IL1RAPL1: variants seen among roughly 807,000 people sequenced by gnomAD.
The protein encoded by IL1RAPL1 is interleukin-1 receptor accessory protein-like 1.
Under a neutral mutation model 48.4 loss-of-function variants are expected in IL1RAPL1, and 3 were observed. That is an observed-to-expected ratio of 0.06 (90% CI 0.03 to 0.16). The LOEUF (loss-of-function observed/expected upper bound fraction) is 0.16, where lower values mean the gene tolerates loss of function less well. IL1RAPL1 is among the 10% of genes least tolerant of loss of function. The pLI, the probability that IL1RAPL1 is intolerant of heterozygous loss-of-function variation, is 1.00. For synonymous variants in IL1RAPL1, 185 were observed against 187.7 expected, an observed-to-expected ratio of 0.99 and a Z score of 0.12; for missense variants, 349 against 530.6, an observed-to-expected ratio of 0.66 and a Z score of 3.36.
chrX:28,793,361 TC>T (rs1936575500), intron 2 of IL1RAPL1, among the ~76,000 whole-genome samples: 1 of 109,331 alleles, frequency 9.1e-6, no homozygotes, highest in Non-Finnish European at 1.9e-5. Context: ...CTCCCTTCTT[TC>T]CCTTTTTGTT....
intron 6 of IL1RAPL1, among the ~76,000 whole-genome samples, chrX:29,883,462 T>C (rs1055094938): frequency 9.1e-6 from 1 of 109,345 alleles, no homozygotes; most frequent in Non-Finnish European, 1.9e-5. Context: ...GAGAGAGAAG[T>C]ACATTAGACC....
At chrX:28,876,271 G>A (rs1448899281) in intron 2 of IL1RAPL1, among the ~76,000 whole-genome samples, 1 of 111,829 alleles carries the variant, frequency 8.9e-6, no homozygotes, top group Admixed American at 9.5e-5. Context: ...GCAGGAGGAA[G>A]GGGAGTGCTA....
intron 2 of IL1RAPL1, among the ~76,000 whole-genome samples, chrX:28,932,091 TGCATATATGA>T (rs1923899023): frequency 9.0e-6 from 1 of 110,769 alleles, no homozygotes; most frequent in Non-Finnish European, 1.9e-5. Flanking sequence ...AAGTTAGGTT[TGCATATATGA>T]GCATATGCAT....
chrX:29,034,013 A>C (rs1235434976), intron 2 of IL1RAPL1, among the ~76,000 whole-genome samples: 1 of 111,817 alleles, frequency 8.9e-6, no homozygotes, highest in Non-Finnish European at 1.9e-5. Context: ...ATTTATTCCA[A>C]ATAAATCAAA....
At chrX:29,950,670 C>CTTT (rs749918523) in intron 9 of IL1RAPL1, among the ~76,000 whole-genome samples, 9 of 96,595 alleles carry the variant, frequency 9.3e-5, no homozygotes, top group African/African-American at 7.7e-5. Flanking sequence ...ATCCTAAGGC[C>CTTT]TTTTTTTTTT....
intron 5 of IL1RAPL1, among the ~76,000 whole-genome samples, chrX:29,530,172 C>A (rs1206302518): frequency 9.0e-6 from 1 of 111,459 alleles, no homozygotes; most frequent in Non-Finnish European, 1.9e-5. Flanking sequence ...TGTTTAAAGT[C>A]TAAAATAATT....
intron 10 of IL1RAPL1, 149 bp downstream of exon 10, chrX:29,954,841 A>G: frequency 3.6e-6 from 2 of 548,457 alleles, no homozygotes. Context: ...GTGTGTTCAC[A>G]TGAAATTTAA....
chrX:29,254,307 T>C (rs1931717181), intron 2 of IL1RAPL1, among the ~76,000 whole-genome samples: 1 of 111,918 alleles, frequency 8.9e-6, no homozygotes, highest in Admixed American at 9.5e-5. Context: ...AATATTTTCT[T>C]GCTACAATTT....
chrX:28,669,299 G>A (rs1039139786), intron 1 of IL1RAPL1, among the ~76,000 whole-genome samples: 7 of 110,776 alleles, frequency 6.3e-5, no homozygotes, highest in Admixed American at 5.8e-4. Flanking sequence ...AATGGGGATG[G>A]TTCAGGTAGA....
rs190779460 is a variant in IL1RAPL1, at chrX:28,770,989, G to A, written c.-24-18331G>A. 7.1e-5 allele frequency among the ~76,000 whole-genome samples: 8 copies of A among 112,044 alleles called. No homozygotes were observed. In the East Asian group the frequency reaches 1.7e-3, roughly 24 times the overall value. ...TGCATGATAGGTATAGAGAAAATAA[G>A]GGTAGTATTTTACATCACAGAGTAT... On this transcript the variant is annotated intron_variant, in intron 1 of 10. Coordinates refer to ENST00000378993, the MANE Select transcript of IL1RAPL1 (RefSeq NM_014271.4).
In IL1RAPL1 at chrX:29,090,929, G is replaced by A. The variant is rs775998315; in HGVS notation, c.83-192009G>A. On this transcript the variant is annotated intron_variant, in intron 2 of 10. Transcript: ENST00000378993. Reference sequence around the variant, plus strand: ...TTCAAACGATTTATATAAAGATGTTGGAGAAATTCACAAAGACCTGGATAA... The same window carrying A: ...TTCAAACGATTTATATAAAGATGTTAGAGAAATTCACAAAGACCTGGATAA... Among the ~76,000 whole-genome samples the A allele has an allele frequency of 4.2e-4, 47 of 111,711 alleles. No individual in the cohort carries two copies. The Middle Eastern group carries it at 0.014, about 33-fold the overall frequency.
intron 1 of IL1RAPL1, among the ~76,000 whole-genome samples, chrX:28,724,076 A>G (rs184517995): frequency 9.0e-6 from 1 of 111,360 alleles, no homozygotes; most frequent in South Asian, 3.7e-4. Flanking sequence ...TTCTGTTGAT[A>G]TGGGGTGGAG....
intron 2 of IL1RAPL1, among the ~76,000 whole-genome samples, chrX:29,190,862 A>G (rs932062871): frequency 7.1e-5 from 8 of 112,367 alleles, no homozygotes; most frequent in Non-Finnish European, 1.5e-4. Context: ...CATTAATTTT[A>G]AAATCTTGTA....
chrX:29,566,239 C>T (rs964627067), intron 5 of IL1RAPL1, among the ~76,000 whole-genome samples: 10 of 111,358 alleles, frequency 9.0e-5, no homozygotes, highest in African/African-American at 1.3e-4. Flanking sequence ...GCGCCCGGCC[C>T]ATGTGGGGAA....
chrX:29,418,117 A>ATTT (rs1472989661), intron 5 of IL1RAPL1, among the ~76,000 whole-genome samples: 21 of 30,696 alleles, frequency 6.8e-4, no homozygotes, highest in African/African-American at 2.3e-3. Context: ...ATATATATAT[A>ATTT]TATATATATT....
intron 5 of IL1RAPL1, among the ~76,000 whole-genome samples, chrX:29,440,535 A>G (rs757009820): frequency 4.5e-4 from 50 of 112,149 alleles, no homozygotes; most frequent in African/African-American, 1.3e-3. Context: ...CCAATCATTC[A>G]TAAGAGAGGA....
At chrX:28,635,127 A>C (rs937145348) in intron 1 of IL1RAPL1, among the ~76,000 whole-genome samples, 1 of 112,194 alleles carries the variant, frequency 8.9e-6, no homozygotes, top group African/African-American at 3.2e-5. Flanking sequence ...AATATCATCC[A>C]TCTCTCTTCA....
chrX:28,781,913 C>T (rs1028716127), intron 1 of IL1RAPL1, among the ~76,000 whole-genome samples: 1 of 111,828 alleles, frequency 8.9e-6, no homozygotes, highest in African/African-American at 3.2e-5. Flanking sequence ...ATTTAAATAA[C>T]TTTGATTACT....
chrX:29,444,695 T>C (rs1205880522), intron 5 of IL1RAPL1, among the ~76,000 whole-genome samples: 1 of 111,998 alleles, frequency 8.9e-6, no homozygotes, highest in Non-Finnish European at 1.9e-5. Context: ...TTATACTTCA[T>C]TTATATTGAT....
Sources: allele counts gnomAD v4.1 joint callset (sites outside exome capture counted in the v4.1 genomes callset), GRCh38; gene constraint gnomAD v4.1.1; transcripts MANE v1.5; gene names NCBI Gene and HGNC (gene_info 2026-07-23, HGNC 2026-07-21).